Variants in TSPOAP1 observed in about 807,000 individuals in gnomAD.
TSPOAP1 encodes the protein peripheral-type benzodiazepine receptor-associated protein 1.
Under a neutral mutation model 197.0 loss-of-function variants are expected in TSPOAP1, and 87 were observed. The observed-to-expected ratio is 0.44, with a 90% confidence interval of 0.37 to 0.53. The LOEUF (loss-of-function observed/expected upper bound fraction) is 0.53. Among genes scored for constraint, TSPOAP1 ranks in the 20% least tolerant of loss-of-function variants. TSPOAP1 has a pLI of 0.00. For synonymous variants in TSPOAP1, 913 were observed against 998.9 expected, an observed-to-expected ratio of 0.91 and a Z score of 1.62; for missense variants, 2,174 against 2,411.3, an observed-to-expected ratio of 0.90 and a Z score of 2.06.
intron 4 of TSPOAP1, 106 bp from the exon 5 acceptor site, chr17:58,325,108 C>T: frequency 1.0e-6 from 1 of 1,000,868 alleles, no homozygotes; most frequent in South Asian, 1.6e-5. Flanking sequence ...CTCCGATGCG[C>T]GAGACTGTGC....
intron 16 of TSPOAP1, among the ~76,000 whole-genome samples, chr17:58,315,228 G>C (rs76212340): frequency 0.042 from 6,338 of 152,320 alleles, 171 homozygotes; most frequent in East Asian, 0.13. Flanking sequence ...AGGACCCAGG[G>C]AAAAGAAACT....
rs1970885170 is a variant in TSPOAP1, at chr17:58,306,212, A to AT, written c.5224+129_5224+130insA. 13 of 981,958 alleles carry AT rather than the reference A, an allele frequency of 1.3e-5. No individual in the cohort carries two copies. In the South Asian group the frequency reaches 1.8e-4, roughly 14 times the overall value. 60.8% of individuals were successfully genotyped at this position (981,958 alleles called of 1,614,324 possible). ...CAAAAACCCAGAGGTGCCTCCCCAG[A>AT]CAGCCAAGCAGCGCCACCCACCAGC... On this transcript the variant is annotated intron_variant, in intron 26 of 31. Transcript: ENST00000343736.
At chr17:58,315,697 C>T (rs920748188) in intron 16 of TSPOAP1, among the ~76,000 whole-genome samples, 11 of 152,186 alleles carry the variant, frequency 7.2e-5, no homozygotes, top group Non-Finnish European at 1.3e-4. Flanking sequence ...AACACTGCCA[C>T]GCCCTGACTA....
Position 58,308,598 on chromosome 17 carries a change from C to T in TSPOAP1, c.4674G>A (p.Gly1558=). ...PYPRLPAWEK[G]EPERRGRSAT... is the part of the protein sequence containing the mutation. ...CACTGCGGCCTCTCCGCTCTGGTTC[C>T]CCTTTCTCCCAGGCTGGGAGGCGTG... The change falls in exon 22 of 32, where the codon GGG becomes GGA. Residue 1558 remains glycine (G), a synonymous_variant. Transcript: ENST00000343736. 6.3e-7 allele frequency: 1 copy of T among 1,589,052 alleles called. No homozygotes were observed. Among genetic ancestry groups the T allele is most frequent in the Non-Finnish European group, 8.6e-7 (1 of 1,165,564 alleles).
At position 58,304,089 on chromosome 17, in the gene TSPOAP1, A is replaced by G; in HGVS notation, c.*32+249T>C. The stretch of plus-strand genomic sequence containing the variant: ...TAGGAAGCATCAGCTAATATGGGAC[A>G]TCACACACTAAGATGACATGTAATC... On this transcript the variant is annotated intron_variant, in intron 31 of 31. Transcript: ENST00000343736. The surrounding 1 kb of genome is among the most constrained non-coding windows in gnomAD (Gnocchi z 4.2). 1 of 495,212 alleles carries G rather than the reference A, an allele frequency of 2.0e-6. No individual in the cohort carries two copies. Among genetic ancestry groups the G allele is most frequent in the Admixed American group, 3.4e-5 (1 of 29,156 alleles). The allele number at this position is 495,212 out of a possible 1,614,324, so 30.7% of individuals were successfully genotyped here. A position where few individuals can be genotyped will look rare whatever the true frequency, so the allele number is the denominator to read the frequency against.
chr17:58,309,059 G>A lies in TSPOAP1; in HGVS notation c.4213C>T (p.Arg1405Trp), dbSNP rs376791852. 4.2e-5 allele frequency: 67 copies of A among 1,612,060 alleles called. No individual in the cohort carries two copies. Among genetic ancestry groups the A allele is most frequent in the Non-Finnish European group, 5.3e-5 (63 of 1,180,024 alleles). ...DMPGLVGGSSRRRGGGSPEKP... is the reference protein window; with the variant it reads ...DMPGLVGGSSWRRGGGSPEKP... ...TCAGGGGAGCCCCCTCCTCTCCTCC[G>A]GCTGCTTCCACCAACTAATCCAGGC... The change falls in exon 22 of 32, where the codon CGG (arginine) becomes TGG (tryptophan). Residue 1405 changes from arginine to tryptophan, a missense_variant. Transcript: ENST00000343736. This position sits in a 1 kb window ranked among gnomAD's most constrained non-coding sequence, Gnocchi z 5.0.
intron 10 of TSPOAP1, among the ~76,000 whole-genome samples, chr17:58,320,923 C>T (rs560521789): frequency 1.3e-5 from 2 of 152,184 alleles, no homozygotes; most frequent in Admixed American, 6.5e-5. Context: ...GCTCCCTGTC[C>T]CCCATTTTGA....
chr17:58,320,404 C>G, intron 11 of TSPOAP1, 127 bp downstream of exon 11: 1 of 1,184,656 alleles, frequency 8.4e-7, no homozygotes, highest in Non-Finnish European at 1.2e-6. Context: ...CCCCCAGGTC[C>G]TGGAGCATTT....
intron 16 of TSPOAP1, among the ~76,000 whole-genome samples, chr17:58,313,984 C>G (rs908079945): frequency 2.6e-5 from 4 of 152,058 alleles, no homozygotes; most frequent in African/African-American, 9.7e-5. Context: ...AGCTGGGCAC[C>G]CAGCATGTAA....
rs1970809363 is a variant in TSPOAP1, at chr17:58,304,386, C to T, written c.5558G>A (p.Arg1853Lys). 6.2e-7 allele frequency: 1 copy of T among 1,611,892 alleles called. No individual in the cohort carries two copies. The highest frequency in any genetic ancestry group is 8.5e-7 in the Non-Finnish European group (1 of 1,179,288). The part of the protein sequence containing the change: ...PQAESQRTRR[R>K]RVQC ...TATCTCCATCTAGCACTGGACTCTT[C>T]TCCTCCTCGTTCTCTGAGGACAGGG... The change falls in exon 31 of 32, where the codon AGA becomes AAA. Residue 1853 changes from arginine to lysine, a missense_variant. Arg to Lys is a conservative substitution (Grantham distance 26). Coordinates refer to ENST00000343736, the MANE Select transcript of TSPOAP1 (RefSeq NM_004758.4). This position sits in a 1 kb window ranked among gnomAD's most constrained non-coding sequence, Gnocchi z 4.2.
Position 58,305,640 on chromosome 17 carries a change from G to T in TSPOAP1, c.5261C>A (p.Pro1754His). 1 of 1,496,808 alleles carries T rather than the reference G, an allele frequency of 6.7e-7. No homozygotes were observed. Among genetic ancestry groups the T allele is most frequent in the Non-Finnish European group, 9.0e-7 (1 of 1,105,834 alleles). 92.7% of individuals were successfully genotyped at this position (1,496,808 alleles called of 1,614,324 possible). ...SEGPAQPCPG[P>H]PKLVPSADLK... is the part of the protein sequence containing the mutation. ...GTCAGCAGAGGGGACCAGCTTAGGGGGGCCTGCAGGGGGAGTAGGAGAAGA... is the reference window on the plus strand; with the variant it reads ...GTCAGCAGAGGGGACCAGCTTAGGGTGGCCTGCAGGGGGAGTAGGAGAAGA... The change falls in exon 28 of 32, where the codon CCC becomes CAC. Residue 1754 changes from proline to histidine, a missense_variant. Physicochemically the swap from Pro to His is moderately conservative, Grantham distance 77 (BLOSUM62 -2). Coordinates refer to ENST00000343736, the MANE Select transcript of TSPOAP1 (RefSeq NM_004758.4).
At chr17:58,318,227 T>C (rs1279243878) in intron 14 of TSPOAP1, 53 bp downstream of exon 14, 26 of 1,601,424 alleles carry the variant, frequency 1.6e-5, no homozygotes, top group Non-Finnish European at 2.2e-5. Context: ...CCACCTGCCC[T>C]GCACCCTTCC....
chr17:58,308,088 G>A, intron 22 of TSPOAP1, 147 bp from the exon 23 acceptor site: 1 of 862,058 alleles, frequency 1.2e-6, no homozygotes, highest in South Asian at 1.8e-5. Context: ...CAGCCTGCTG[G>A]AGACCTCAGA....
intron 16 of TSPOAP1, among the ~76,000 whole-genome samples, chr17:58,313,586 C>T (rs1023405017): frequency 8.9e-5 from 13 of 146,886 alleles, no homozygotes; most frequent in Non-Finnish European, 1.5e-4. Flanking sequence ...CCAGCCTGGG[C>T]GACAGAGCAA....
At chr17:58,305,229 C>A (rs773477427) in intron 29 of TSPOAP1, 58 bp from the exon 30 acceptor site, 2 of 1,501,060 alleles carry the variant, frequency 1.3e-6, no homozygotes, top group South Asian at 2.3e-5. Flanking sequence ...CCCTGCCCCT[C>A]GACTCTGATG....
In TSPOAP1 at chr17:58,301,543, GA is replaced by G. The variant is rs1001838601; in HGVS notation, c.*936del. ...CTATGCAAAAGAACTTGAATCCAAT[GA>G]GCAAAATAAGGCAAACCCAACTCCG... On this transcript the variant is annotated 3_prime_UTR_variant, in exon 32 of 32. Coordinates refer to ENST00000343736, the MANE Select transcript of TSPOAP1 (RefSeq NM_004758.4). 1 of 152,704 alleles carries G rather than the reference GA, an allele frequency of 6.5e-6. No homozygotes were observed. Among genetic ancestry groups the G allele is most frequent in the Non-Finnish European group, 1.5e-5 (1 of 68,088 alleles). 9.5% of individuals were successfully genotyped at this position (152,704 alleles called of 1,614,324 possible). A position where few individuals can be genotyped will look rare whatever the true frequency, so the allele number is the denominator to read the frequency against.
At chr17:58,316,696 C>T (rs1362531664) in intron 14 of TSPOAP1, among the ~76,000 whole-genome samples, 156 bp from the exon 15 acceptor site, 1 of 152,262 alleles carries the variant, frequency 6.6e-6, no homozygotes, top group Non-Finnish European at 1.5e-5. Context: ...CCCCCTGATG[C>T]TCTCTAAATT....
At position 58,308,937 on chromosome 17, in the gene TSPOAP1, G is replaced by T; in HGVS notation, c.4335C>A (p.Pro1445=). 3 of 1,601,798 alleles carry T rather than the reference G, an allele frequency of 1.9e-6. No individual in the cohort carries two copies. The highest frequency in any genetic ancestry group is 2.6e-6 in the Non-Finnish European group (3 of 1,174,332). ...CGGGGAGGCCACCCCTCTCCCGTGT[G>T]GGGCCCAGTCGTCCAGAGGCCTGGG... is the stretch of plus-strand genomic sequence containing the variant. The part of the protein sequence containing the change: ...NGPQASGRLG[P]TRERGGLPVI... Residue 1445 remains proline (P), a synonymous_variant, in exon 22 of 32, where the codon CCC becomes CCA. Transcript: ENST00000343736.
intron 16 of TSPOAP1, among the ~76,000 whole-genome samples, chr17:58,315,753 C>T (rs1598068651): frequency 6.6e-6 from 1 of 152,148 alleles, no homozygotes; most frequent in African/African-American, 2.4e-5. Flanking sequence ...GACACTCTCT[C>T]CACCATCTGG....
Sources: gnomAD v4.1 joint callset for allele counts (sites outside exome capture counted in the v4.1 genomes callset) on GRCh38, gnomAD v4.1.1 for gene constraint, Gnocchi (gnomAD v3.1) non-coding constraint, MANE v1.5 for transcripts, NCBI Gene and HGNC (gene_info 2026-07-23, HGNC 2026-07-21) for gene names.